ANKRD37: variants seen among roughly 807,000 people sequenced by gnomAD.
The protein encoded by ANKRD37 is ankyrin repeat domain-containing protein 37.
A neutral mutation model predicts 19.7 loss-of-function variants in ANKRD37; 17 were observed. The ratio of observed to expected loss-of-function variants is 0.86; its 90% CI spans 0.59 to 1.29. The LOEUF is 1.29. ANKRD37 is among the 50% of genes most tolerant of loss of function. ANKRD37 has a pLI of 0.00. For missense variants in ANKRD37, 207 were observed against 190.4 expected (o/e 1.09, Z -0.51); for synonymous variants, 79 against 74.5 (o/e 1.06, Z -0.31).
chr4:185,399,926 A>G (rs573166098), intron 4 of ANKRD37, 91 bp from the exon 5 acceptor site: 13 of 1,553,536 alleles, frequency 8.4e-6, no homozygotes, highest in Middle Eastern at 1.7e-4. Flanking sequence ...ACCAGAGTCT[A>G]GAGACCAAAA....
chr4:185,398,317 A>G (rs1183351285), intron 2 of ANKRD37, among the ~76,000 whole-genome samples: 1 of 152,248 alleles, frequency 6.6e-6, no homozygotes, highest in Admixed American at 6.5e-5. Context: ...AATCAAAAAT[A>G]AAAAGCTTTT....
chr4:185,397,347 A>G (rs1416847094), intron 2 of ANKRD37, 45 bp downstream of exon 2: 1 of 1,593,142 alleles, frequency 6.3e-7, no homozygotes, highest in Non-Finnish European at 8.6e-7. Context: ...CCTCCAACCC[A>G]GACACACACA....
intron 2 of ANKRD37, chr4:185,397,530 C>T: frequency 3.7e-6 from 2 of 534,240 alleles, no homozygotes; most frequent in Non-Finnish European, 6.3e-6. Flanking sequence ...ATAAACGAAA[C>T]ATGAAATTTT....
chr4:185,396,950 G>A lies in ANKRD37; in HGVS notation c.27G>A (p.Glu9=), dbSNP rs1197070019. Residue 9 remains glutamate (E), a splice_region_variant and synonymous_variant, in exon 1 of 5, where the codon GAG becomes GAA. Transcript: ENST00000335174. ...TGCTGTTGCTGGATTGCAACCCCGA[G>A]GTGAGATTCGGGCTCACAGAGCCCG... MLLLDCNP[E]VDGLKHLLET... The A allele has an allele frequency of 6.2e-7, 1 of 1,613,568 alleles. No individual in the cohort carries two copies. Among genetic ancestry groups the A allele is most frequent in the Non-Finnish European group, 8.5e-7 (1 of 1,180,032 alleles).
chr4:185,400,162 G>A lies in ANKRD37; in HGVS notation c.*145G>A. The A allele has an allele frequency of 3.7e-6, 3 of 804,520 alleles. No homozygotes were observed. The highest frequency in any genetic ancestry group is 5.9e-6 in the Non-Finnish European group (3 of 510,644). The allele number at this position is 804,520 out of a possible 1,614,324, so 49.8% of individuals were successfully genotyped here. A position where few individuals can be genotyped will look rare whatever the true frequency, so the allele number is the denominator to read the frequency against. On this transcript the variant is annotated 3_prime_UTR_variant, in exon 5 of 5. Transcript: ENST00000335174. Reference sequence around the variant, plus strand: ...TTCTTCCAAGTGAAGATCCATTTAAGAACACATGTATTTACATGCCTATAA... The same window carrying A: ...TTCTTCCAAGTGAAGATCCATTTAAAAACACATGTATTTACATGCCTATAA...
intron 3 of ANKRD37, 77 bp downstream of exon 3, chr4:185,399,105 T>C (rs2095509836): frequency 1.6e-6 from 2 of 1,233,962 alleles, no homozygotes; most frequent in Non-Finnish European, 2.3e-6. Context: ...CTTAGTTACA[T>C]GTGCTTTTAA....
In ANKRD37 at chr4:185,396,880, T is replaced by A. The variant is rs202070767; in HGVS notation, c.-44T>A. 11 of 1,609,342 alleles carry A rather than the reference T, an allele frequency of 6.8e-6. No homozygotes were observed. The East Asian group carries it at 2.5e-4, about 36-fold the overall frequency. On this transcript the variant is annotated 5_prime_UTR_variant, in exon 1 of 5. Transcript: ENST00000335174. Reference sequence around the variant, plus strand: ...GTCGGGGTGCGGCGAGTGTCTCACCTCTCTGCACTTCCAAGGACTCTTGTC... The same window carrying A: ...GTCGGGGTGCGGCGAGTGTCTCACCACTCTGCACTTCCAAGGACTCTTGTC...
At chr4:185,399,863 A>G in intron 4 of ANKRD37, 90 bp downstream of exon 4, 1 of 1,566,108 alleles carries the variant, frequency 6.4e-7, no homozygotes, top group South Asian at 1.2e-5. Flanking sequence ...TGACACTCGT[A>G]TTTCTAGTAG....
rs781587596 is a variant in ANKRD37 at position 185,397,281 on chromosome 4, G to A, written c.159G>A (p.Thr53=). The change falls in exon 2 of 5, where the codon ACG becomes ACA. Residue 53 remains threonine, a synonymous_variant. Transcript: ENST00000335174. ...LACFLLWQLQ[T]GADLNQQDVL... Reference sequence around the variant, plus strand: ...GCTTTCTTCTCTGGCAGCTGCAAACGGGCGCTGACCTCAACCAGCAGGTAA... The same window carrying A: ...GCTTTCTTCTCTGGCAGCTGCAAACAGGCGCTGACCTCAACCAGCAGGTAA... The A allele has an allele frequency of 1.9e-6, 3 of 1,613,976 alleles. No individual in the cohort carries two copies. Among genetic ancestry groups the A allele is most frequent in the Non-Finnish European group, 2.5e-6 (3 of 1,180,016 alleles).
At position 185,397,404 on chromosome 4, in the gene ANKRD37, C is replaced by T. The variant is rs73029557; in HGVS notation, c.180+102C>T. On this transcript the variant is annotated intron_variant, in intron 2 of 4. Coordinates refer to ENST00000335174, the MANE Select transcript of ANKRD37 (RefSeq NM_181726.4). ...GTTGTTTCAGCTGTTAAAAACATGT[C>T]TATAGCAGCGATGTCCAACAGAAAT... 1.0e-4 allele frequency: 141 copies of T among 1,409,788 alleles called. No individual in the cohort carries two copies. In the African/African-American group the frequency reaches 1.9e-3, roughly 19 times the overall value. The allele number at this position is 1,409,788 out of a possible 1,614,324, so 87.3% of individuals were successfully genotyped here.
At position 185,398,858 on chromosome 4, in the gene ANKRD37, A is replaced by AGCTAATAT. The variant is rs1190019544; in HGVS notation, c.181-78_181-71dup. Reference sequence around the variant, plus strand: ...GCAGTTCTAACTAGCTTCCTTAAATAGCTAATATTAAATGTCACTCATCAA... The same window carrying AGCTAATAT: ...GCAGTTCTAACTAGCTTCCTTAAATAGCTAATATGCTAATATTAAATGTCACTCATCAA... On this transcript the variant is annotated intron_variant, in intron 2 of 4. Coordinates refer to ENST00000335174, the MANE Select transcript of ANKRD37 (RefSeq NM_181726.4). The AGCTAATAT allele has an allele frequency of 4.3e-5, 46 of 1,070,740 alleles. No individual in the cohort carries two copies. The East Asian group carries it at 1.1e-3, about 26-fold the overall frequency. 66.3% of individuals were successfully genotyped at this position (1,070,740 alleles called of 1,614,324 possible). A position where few individuals can be genotyped will look rare whatever the true frequency, so the allele number is the denominator to read the frequency against.
chr4:185,400,283 T>TA (rs2095511753), downstream of ANKRD37: 1 of 943,788 alleles, frequency 1.1e-6, no homozygotes, highest in Non-Finnish European at 1.6e-6. Flanking sequence ...AAAAAGGTCA[T>TA]AATTTAAATC....
chr4:185,397,460 T>C (rs1484768623), intron 2 of ANKRD37, 158 bp downstream of exon 2: 1 of 1,053,526 alleles, frequency 9.5e-7, no homozygotes, highest in Non-Finnish European at 1.3e-6. Flanking sequence ...AATTTAAGAG[T>C]TTTTTTCCAG....
intron 3 of ANKRD37, 41 bp downstream of exon 3, chr4:185,399,069 G>A (rs996789007): frequency 1.3e-6 from 2 of 1,527,820 alleles, no homozygotes; most frequent in Non-Finnish European, 1.8e-6. Context: ...ATGTTTTCTT[G>A]GATTAAACTA....
At chr4:185,399,833 T>C in intron 4 of ANKRD37, 60 bp downstream of exon 4, 1 of 1,602,944 alleles carries the variant, frequency 6.2e-7, no homozygotes, top group South Asian at 1.1e-5. Context: ...TTGCATAGCA[T>C]TTATTATTCC....
rs759245956 is a variant in ANKRD37, at chr4:185,400,038, A to C, written c.*21A>C. On this transcript the variant is annotated 3_prime_UTR_variant, in exon 5 of 5. Coordinates refer to ENST00000335174, the MANE Select transcript of ANKRD37 (RefSeq NM_181726.4). The stretch of plus-strand genomic sequence containing the variant: ...ACAGATGTCACGTGGGTTATGAAGA[A>C]GTCTGAAGAACGCCTTCATTTCATG... 1.3e-6 allele frequency: 2 copies of C among 1,587,276 alleles called. No individual in the cohort carries two copies. Among genetic ancestry groups the C allele is most frequent in the East Asian group, 4.5e-5 (2 of 44,694 alleles).
chr4:185,400,374 C>A (rs1389909247), downstream of ANKRD37: 12 of 1,587,214 alleles, frequency 7.6e-6, no homozygotes, highest in South Asian at 1.3e-4. Context: ...CTACTGCAGT[C>A]TTTGACTCCA....
At position 185,399,687 on chromosome 4, in the gene ANKRD37, C is replaced by T. The variant is rs2095510737; in HGVS notation, c.390C>T (p.His130=). Residue 130 remains histidine, a synonymous_variant, in exon 4 of 5, where the codon CAC becomes CAT. Transcript: ENST00000335174. ...KCMQTIKASE[H]PDRNDCVAVL... is the part of the protein sequence containing the mutation. The stretch of plus-strand genomic sequence containing the variant: ...TGCAGACAATAAAAGCAAGTGAACA[C>T]CCTGACAGGAATGATTGTGTTGCCG... The T allele has an allele frequency of 1.2e-6, 2 of 1,614,110 alleles. No homozygotes were observed. Among genetic ancestry groups the T allele is most frequent in the East Asian group, 2.2e-5 (1 of 44,878 alleles).
In ANKRD37 at chr4:185,397,472, C is replaced by A. The variant is rs1198074306; in HGVS notation, c.180+170C>A. The A allele has an allele frequency of 8.7e-6, 8 of 914,714 alleles. No homozygotes were observed. In the East Asian group the frequency reaches 1.8e-4, roughly 20 times the overall value. The allele number at this position is 914,714 out of a possible 1,614,324, so 56.7% of individuals were successfully genotyped here. ...TGTAATTTAAGAGTTTTTTTCCAGT[C>A]TTGATGTGAGGACATGAGAAATTTG... On this transcript the variant is annotated intron_variant, in intron 2 of 4. Transcript: ENST00000335174.
Sources: gnomAD v4.1 joint callset for allele counts (sites outside exome capture counted in the v4.1 genomes callset) on GRCh38, gnomAD v4.1.1 for gene constraint, MANE v1.5 for transcripts, NCBI Gene and HGNC (gene_info 2026-07-23, HGNC 2026-07-21) for gene names.